Variants in TRPV1 observed in about 807,000 individuals in gnomAD.
TRPV1 encodes transient receptor potential cation channel subfamily V member 1.
In TRPV1, 82 loss-of-function variants were observed where a neutral mutation model predicts 82.3. The observed-to-expected ratio is 1.00, with a 90% CI of 0.83 to 1.20. The LOEUF is 1.20. TRPV1 is among the 50% of genes most tolerant of loss of function. TRPV1 has a pLI of 0.00. For missense variants in TRPV1, 1,067 were observed against 1,096.8 expected (o/e 0.97, Z 0.38); for synonymous variants, 515 against 467.7 (o/e 1.10, Z -1.30).
intron 9 of TRPV1, among the ~76,000 whole-genome samples, chr17:3,584,157 C>T (rs1314165863): frequency 6.6e-6 from 1 of 151,972 alleles, no homozygotes; most frequent in African/African-American, 2.4e-5. Flanking sequence ...GTAATCCCAG[C>T]TACTTGGGAG....
intron 2 of TRPV1, 40 bp from the exon 3 acceptor site, chr17:3,592,423 G>C (rs907504919): frequency 6.7e-7 from 1 of 1,498,610 alleles, no homozygotes. Context: ...CCCAAAGTAA[G>C]GACTGCTTGT....
intron 10 of TRPV1, among the ~76,000 whole-genome samples, chr17:3,582,476 A>C (rs1462367362): frequency 6.6e-6 from 1 of 152,082 alleles, no homozygotes; most frequent in Non-Finnish European, 1.5e-5. Context: ...TTTTGTACGC[A>C]GCTAAGTTCT....
intron 2 of TRPV1, among the ~76,000 whole-genome samples, chr17:3,604,212 A>C (rs926545889): frequency 3.3e-5 from 5 of 152,346 alleles, no homozygotes; most frequent in African/African-American, 9.6e-5. Flanking sequence ...GACATTCCAA[A>C]CATGGGCCTT....
chr17:3,595,435 A>T (rs572449010), intron 2 of TRPV1, among the ~76,000 whole-genome samples: 2 of 152,170 alleles, frequency 1.3e-5, no homozygotes, highest in African/African-American at 4.8e-5. Context: ...ACTCCACAGC[A>T]GGGCCTGGGG....
At chr17:3,589,057 G>T in intron 7 of TRPV1, 1 of 1,256,562 alleles carries the variant, frequency 8.0e-7, no homozygotes, top group Non-Finnish European at 1.1e-6. Flanking sequence ...AGGCTGAGGT[G>T]GAAGGATCAC....
At chr17:3,572,559 G>C (rs1208312008) in intron 14 of TRPV1, among the ~76,000 whole-genome samples, 1 of 152,236 alleles carries the variant, frequency 6.6e-6, no homozygotes, top group Non-Finnish European at 1.5e-5. Context: ...GGGCAACATA[G>C]GGTAGGGCTG....
chr17:3,573,260 G>T (rs2074882796), intron 14 of TRPV1, among the ~76,000 whole-genome samples: 1 of 152,126 alleles, frequency 6.6e-6, no homozygotes, highest in South Asian at 2.1e-4. Flanking sequence ...CTCTGAGGTG[G>T]ACACCCTGTC....
At position 3,588,391 on chromosome 17, in the gene TRPV1, G is replaced by A. The variant is rs189777305; in HGVS notation, c.1045-24C>T. The A allele has an allele frequency of 1.3e-3, 2,078 of 1,548,106 alleles. 2 individuals are homozygous for A. Among genetic ancestry groups the A allele is most frequent in the Non-Finnish European group, 1.7e-3 (1,988 of 1,144,770 alleles). ...ACCTGCCCCCGGGGAGCAAGAGCCC[G>A]TCAGAGGCCAGCCCCAGGCTCAGCC... is the stretch of plus-strand genomic sequence containing the variant. On this transcript the variant is annotated intron_variant, in intron 7 of 16. Coordinates refer to ENST00000572705, the MANE Select transcript of TRPV1 (RefSeq NM_080704.4).
intron 2 of TRPV1, among the ~76,000 whole-genome samples, chr17:3,595,172 G>A (rs114180308): frequency 0.016 from 2,468 of 152,244 alleles, 78 homozygotes; most frequent in African/African-American, 0.057. Flanking sequence ...GTCTGAGCAC[G>A]TGCACAAAGC....
rs1781908094 is a variant in TRPV1 at position 3,571,573 on chromosome 17, G to T, written c.2298C>A (p.Asn766Lys). 3 of 1,612,604 alleles carry T rather than the reference G, an allele frequency of 1.9e-6. No individual in the cohort carries two copies. Among genetic ancestry groups the T allele is most frequent in the Non-Finnish European group, 2.5e-6 (3 of 1,179,390 alleles). Residue 766 changes from asparagine (N) to lysine (K), a missense_variant, in exon 16 of 17, where the codon AAC becomes AAA. Transcript: ENST00000572705. ...TCAGGGTGCGCTTGACGCCCTCACA[G>T]TTGCCCGGGTCTTCGTTGATGATGC... Reference protein sequence around the residue: ...NVGIINEDPGNCEGVKRTLSF... With the variant: ...NVGIINEDPGKCEGVKRTLSF...
chr17:3,576,165 T>C (rs2074925637), intron 13 of TRPV1, among the ~76,000 whole-genome samples: 1 of 151,732 alleles, frequency 6.6e-6, no homozygotes, highest in Non-Finnish European at 1.5e-5. Context: ...GAGGTTGTAG[T>C]GAGCTGAGAT....
Position 3,596,091 on chromosome 17 carries a change from A to G in TRPV1, c.-33-3708T>C, listed in dbSNP as rs1468608415. On this transcript the variant is annotated intron_variant, in intron 2 of 16. Coordinates refer to ENST00000572705, the MANE Select transcript of TRPV1 (RefSeq NM_080704.4). ...TGGAGATGGTGATTCTGGTTTACAC[A>G]AGACTCACAAACTCATCAATCTGGA... Among the ~76,000 whole-genome samples, 6 of 152,196 alleles carry G rather than the reference A, an allele frequency of 3.9e-5. No individual in the cohort carries two copies. The East Asian group carries it at 1.2e-3, about 29-fold the overall frequency.
At chr17:3,590,193 C>T in intron 6 of TRPV1, 59 bp downstream of exon 6, 3 of 1,598,500 alleles carry the variant, frequency 1.9e-6, no homozygotes, top group Admixed American at 1.7e-5. Context: ...TCTGTCTCTG[C>T]CCAAACCTCC....
Position 3,590,092 on chromosome 17 carries a change from CA to C in TRPV1, c.758del (p.Leu253ArgfsTer13), listed in dbSNP as rs746035245. The C allele has an allele frequency of 1.1e-5, 18 of 1,606,810 alleles. No individual in the cohort carries two copies. Among genetic ancestry groups the C allele is most frequent in the Admixed American group, 1.0e-4 (6 of 59,230 alleles). ...GCTGGTTGGTGCACGCGGCCAGGGACAGGGGCAGTTCACCTGCATGAACACA... is the reference window on the plus strand; with the variant it reads ...GCTGGTTGGTGCACGCGGCCAGGGACGGGGCAGTTCACCTGCATGAACACA... ...RPGFYFGELP[L>X]SLAACTNQLG... is the part of the protein sequence containing the mutation. On this transcript the variant is annotated frameshift_variant, in exon 7 of 17. Transcript: ENST00000572705. LOFTEE classifies it high-confidence loss of function.
At chr17:3,593,505 C>T (rs538897423) in intron 2 of TRPV1, among the ~76,000 whole-genome samples, 25 of 152,248 alleles carry the variant, frequency 1.6e-4, no homozygotes, top group African/African-American at 5.8e-4. Flanking sequence ...CAGGGGTGGC[C>T]CATACATCCC....
intron 2 of TRPV1, among the ~76,000 whole-genome samples, chr17:3,595,107 C>G (rs2075206975): frequency 6.6e-6 from 1 of 152,138 alleles, no homozygotes; most frequent in Admixed American, 6.6e-5. Flanking sequence ...GTGCGGACAG[C>G]CCTGGCAGCA....
chr17:3,569,214 T>C (rs1462645742), intron 16 of TRPV1, among the ~76,000 whole-genome samples: 1 of 152,022 alleles, frequency 6.6e-6, no homozygotes, highest in Non-Finnish European at 1.5e-5. Context: ...CATGTATACA[T>C]ATGTAACAAA....
chr17:3,577,505 G>A (rs1036855343), intron 12 of TRPV1, 93 bp downstream of exon 12: 4 of 1,437,334 alleles, frequency 2.8e-6, no homozygotes, highest in South Asian at 2.6e-5. Flanking sequence ...TCCCAGGCAC[G>A]ACAGAGAGGA....
intron 10 of TRPV1, 51 bp downstream of exon 10, chr17:3,583,287 C>CT: frequency 6.7e-7 from 1 of 1,495,910 alleles, no homozygotes; most frequent in Non-Finnish European, 9.2e-7. Context: ...ATCTTCTTGG[C>CT]TTTTTGTTTT....
Sources: gnomAD v4.1 joint callset for allele counts (sites outside exome capture counted in the v4.1 genomes callset) on GRCh38, gnomAD v4.1.1 for gene constraint, MANE v1.5 for transcripts, NCBI Gene and HGNC (gene_info 2026-07-23, HGNC 2026-07-21) for gene names.